ERMP1: variants seen among roughly 807,000 people sequenced by gnomAD.
The protein encoded by ERMP1 is endoplasmic reticulum metallopeptidase 1, also known as Felix-ina.
ERMP1 carries 86 observed loss-of-function variants against 92.0 expected under a neutral mutation model. That is an observed-to-expected ratio of 0.93 (90% CI 0.79 to 1.12). The LOEUF is 1.12. ERMP1 is among the 50% of genes most tolerant of loss of function. The pLI, the probability that ERMP1 is intolerant of heterozygous loss-of-function variation, is 0.00. For missense variants in ERMP1, 1,342 were observed against 1,116.3 expected (o/e 1.20, Z -2.88); for synonymous variants, 530 against 412.8 (o/e 1.28, Z -3.44).
intron 8 of ERMP1, among the ~76,000 whole-genome samples, chr9:5,809,169 C>T (rs1334082022): frequency 2.0e-5 from 3 of 152,050 alleles, no homozygotes; most frequent in South Asian, 4.1e-4. Context: ...CTACAGGCGC[C>T]GCCACCTCGC....
intron 4 of ERMP1, among the ~76,000 whole-genome samples, chr9:5,822,508 T>C (rs1829578636): frequency 6.6e-6 from 1 of 152,202 alleles, no homozygotes; most frequent in Non-Finnish European, 1.5e-5. Context: ...TATTAAAATA[T>C]AGTATTGTTT....
At chr9:5,848,693 T>C (rs1171638194) in intron 6 of ERMP1, among the ~76,000 whole-genome samples, 1 of 16,188 alleles carries the variant, frequency 6.2e-5, no homozygotes, top group Non-Finnish European at 4.4e-4. Flanking sequence ...TCTCTCTACC[T>C]CCACCCTGAA....
upstream of ERMP1, chr9:5,833,141 G>C: frequency 3.1e-6 from 3 of 974,580 alleles, no homozygotes; most frequent in Non-Finnish European, 4.2e-6. Context: ...AAACTGCAGA[G>C]GGCCAAACTT....
intron 8 of ERMP1, among the ~76,000 whole-genome samples, chr9:5,806,379 G>T (rs1312705720): frequency 6.6e-6 from 1 of 151,626 alleles, no homozygotes; most frequent in Non-Finnish European, 1.5e-5. Flanking sequence ...AAAGTCCAAG[G>T]GTTCCTATGT....
chr9:5,812,161 CTG>C lies in ERMP1; in HGVS notation c.1076_1077del (p.Thr359SerfsTer14), dbSNP rs1396638336. 1.2e-6 allele frequency: 2 copies of C among 1,611,536 alleles called. No individual in the cohort carries two copies. The highest frequency in any genetic ancestry group is 1.1e-5 in the South Asian group (1 of 90,668). ...ATGGAATCTGTTAGAATTCTGTCCG[CTG>C]TGTCATACTTGGTGTGATAAATGTA... ...NGYIYHTKYDTADRILTDSIQ... is the reference protein window; with the variant it reads ...NGYIYHTKYDXADRILTDSIQ... On this transcript the variant is annotated frameshift_variant, in exon 6 of 15. Coordinates refer to ENST00000339450, the MANE Select transcript of ERMP1 (RefSeq NM_024896.3). LOFTEE classifies it high-confidence loss of function.
At chr9:5,806,428 CTT>C (rs772362220) in intron 8 of ERMP1, among the ~76,000 whole-genome samples, 45 of 140,136 alleles carry the variant, frequency 3.2e-4, no homozygotes, top group Admixed American at 5.1e-4. Flanking sequence ...GCCATATAAA[CTT>C]TTTTTTTTTT....
intron 6 of ERMP1, among the ~76,000 whole-genome samples, chr9:5,845,883 G>T (rs1830228304): frequency 6.6e-6 from 1 of 152,190 alleles, no homozygotes; most frequent in African/African-American, 2.4e-5. Flanking sequence ...CAGGAGGGAG[G>T]CAATTAGTGT....
At chr9:5,837,040 T>A (rs917378924), upstream of ERMP1, among the ~76,000 whole-genome samples, 13 of 152,228 alleles carry the variant, frequency 8.5e-5, no homozygotes, top group African/African-American at 3.1e-4. Flanking sequence ...GAAGCCACTA[T>A]GTCAGTTTAC....
intron 1 of ERMP1, among the ~76,000 whole-genome samples, chr9:5,832,272 G>T (rs1331097369): frequency 6.6e-6 from 1 of 152,008 alleles, no homozygotes; most frequent in African/African-American, 2.4e-5. Flanking sequence ...GTGCACTAGC[G>T]CCTTCCAAAA....
rs765382489 is a variant in ERMP1, at chr9:5,811,165, C to T, written c.1273G>A (p.Val425Ile). 61 of 1,613,810 alleles carry T rather than the reference C, an allele frequency of 3.8e-5. No individual in the cohort carries two copies. Among genetic ancestry groups the T allele is most frequent in the Non-Finnish European group, 5.0e-5 (59 of 1,179,946 alleles). The change falls in exon 7 of 15, where the codon GTA becomes ATA. Residue 425 changes from valine (V) to isoleucine (I), a missense_variant. Coordinates refer to ENST00000339450, the MANE Select transcript of ERMP1 (RefSeq NM_024896.3). Reference protein sequence around the residue: ...RIGSIINYMVVMGVVLYLGKK... With the variant: ...RIGSIINYMVIMGVVLYLGKK... ...CCCAGGTACAAAACAACACCCATTA[C>T]CACCATGTAGTTTATGATTGAGCCA...
rs1232944820 is a variant in ERMP1, at chr9:5,785,061, T to C, written c.*2083A>G. ...TATAATTGCTTGACCATTTCTGGCA[T>C]TTAAATGACCTCCCAGAATATTACA... On this transcript the variant is annotated 3_prime_UTR_variant, in exon 15 of 15. Coordinates refer to ENST00000339450, the MANE Select transcript of ERMP1 (RefSeq NM_024896.3). 6.6e-6 allele frequency: 1 copy of C among 152,204 alleles called. No homozygotes were observed. The highest frequency in any genetic ancestry group is 1.5e-5 in the Non-Finnish European group (1 of 68,042). 9.4% of individuals were successfully genotyped at this position (152,204 alleles called of 1,614,324 possible). A position where few individuals can be genotyped will look rare whatever the true frequency, so the allele number is the denominator to read the frequency against.
At chr9:5,855,542 T>C (rs1830363461) in intron 6 of ERMP1, among the ~76,000 whole-genome samples, 1 of 152,270 alleles carries the variant, frequency 6.6e-6, no homozygotes, top group South Asian at 2.1e-4. Flanking sequence ...CTGTATGCTG[T>C]TTGAAATCCA....
intron 6 of ERMP1, among the ~76,000 whole-genome samples, chr9:5,811,569 C>G (rs1263668824): frequency 6.6e-6 from 1 of 152,192 alleles, no homozygotes; most frequent in Non-Finnish European, 1.5e-5. Context: ...CCTCTCCACT[C>G]AGACGCTCAG....
chr9:5,792,195 C>G (rs1207205075), intron 13 of ERMP1, among the ~76,000 whole-genome samples: 1 of 152,130 alleles, frequency 6.6e-6, no homozygotes, highest in Non-Finnish European at 1.5e-5. Flanking sequence ...TACCGAAGAC[C>G]TAACATGCTT....
chr9:5,822,225 C>G (rs575378876), intron 4 of ERMP1, among the ~76,000 whole-genome samples: 1 of 152,262 alleles, frequency 6.6e-6, no homozygotes, highest in African/African-American at 2.4e-5. Context: ...ACACTCCAGC[C>G]TGGGCAACGG....
At chr9:5,856,040 T>C (rs894544755) in intron 6 of ERMP1, 9 of 377,360 alleles carry the variant, frequency 2.4e-5, no homozygotes, top group Non-Finnish European at 4.7e-5. Context: ...GCCCAGGTTA[T>C]ATACCCTGCT....
intron 6 of ERMP1, among the ~76,000 whole-genome samples, chr9:5,854,147 T>TG (rs1227224986): frequency 2.0e-5 from 3 of 151,988 alleles, no homozygotes; most frequent in Non-Finnish European, 4.4e-5. Context: ...AAGAAGCTGC[T>TG]GTGGGTGAAG....
rs58241270 is a variant in ERMP1 at position 5,853,017 on chromosome 9, A to G, written n.3199+6451T>C. On this transcript the variant is annotated intron_variant and non_coding_transcript_variant, in intron 6 of 6. Coordinates refer to the ERMP1 transcript ENST00000690753. Reference sequence around the variant, plus strand: ...CAAAAGACAGATTAACAGGGGAAAAAGCATCTATTTTATGGACAAAGGAAA... The same window carrying G: ...CAAAAGACAGATTAACAGGGGAAAAGGCATCTATTTTATGGACAAAGGAAA... Among the ~76,000 whole-genome samples, 517 of 152,318 alleles carry G rather than the reference A, an allele frequency of 3.4e-3. 29 individuals are homozygous for G. In the East Asian group the frequency reaches 0.091, roughly 27 times the overall value.
At chr9:5,818,446 T>C (rs1185110543) in intron 4 of ERMP1, among the ~76,000 whole-genome samples, 1 of 152,212 alleles carries the variant, frequency 6.6e-6, no homozygotes, top group Non-Finnish European at 1.5e-5. Flanking sequence ...CTGGACATGA[T>C]GCCTCATGCC....
Sources: allele counts gnomAD v4.1 joint callset (sites outside exome capture counted in the v4.1 genomes callset), GRCh38; gene constraint gnomAD v4.1.1; transcripts MANE v1.5; gene names NCBI Gene and HGNC (gene_info 2026-07-23, HGNC 2026-07-21).